Variants in ANXA8 observed in about 807,000 individuals in gnomAD.
ANXA8 encodes the protein annexin A8, also known as VAC-beta.
A neutral mutation model predicts 26.8 loss-of-function variants in ANXA8; 9 were observed. That is an observed-to-expected ratio of 0.34 (90% CI 0.20 to 0.59). ANXA8 has a LOEUF of 0.59. Ranked by LOEUF, ANXA8 falls within the 20% of genes least tolerant of loss-of-function variation. The pLI is 0.84. For missense variants in ANXA8, 83 were observed against 238.5 expected, an observed-to-expected ratio of 0.35 and a Z score of 4.29; for synonymous variants, 39 against 94.8, an observed-to-expected ratio of 0.41 and a Z score of 3.42.
chr10:47,702,476 G>C, the ANXA8 span, among the ~76,000 whole-genome samples: 2 of 151,138 alleles, frequency 1.3e-5, no homozygotes, highest in Non-Finnish European at 2.9e-5. Context: ...AAGTAGCTGG[G>C]ACTACAGGTA....
chr10:47,776,458 G>A, the ANXA8 span, among the ~76,000 whole-genome samples: 7 of 151,078 alleles, frequency 4.6e-5, no homozygotes, highest in South Asian at 1.1e-3. Context: ...CAAGGCTCCC[G>A]GGATGTTCTC....
At chr10:47,665,841 T>C in the ANXA8 span, among the ~76,000 whole-genome samples, 1 of 151,798 alleles carries the variant, frequency 6.6e-6, no homozygotes, top group Non-Finnish European at 1.5e-5. Context: ...AGGAAACGTT[T>C]CACAAGTTTT....
At chr10:47,694,630 G>A in the ANXA8 span, among the ~76,000 whole-genome samples, 54 of 151,520 alleles carry the variant, frequency 3.6e-4, no homozygotes, top group African/African-American at 1.2e-3. Context: ...CATATTGGCC[G>A]GGCTGGTCTC....
chr10:47,488,005 TG>T (rs1840077482), upstream of ANXA8, among the ~76,000 whole-genome samples: 1 of 147,160 alleles, frequency 6.8e-6, no homozygotes, highest in Non-Finnish European at 1.5e-5. Flanking sequence ...GTGGGGCCTT[TG>T]GGAGGTTGAA....
the ANXA8 span, among the ~76,000 whole-genome samples, chr10:47,547,250 T>C: frequency 2.2e-5 from 3 of 134,406 alleles, no homozygotes; most frequent in African/African-American, 8.1e-5. Context: ...TAAATTATGG[T>C]GCATCCACAG....
the ANXA8 span, among the ~76,000 whole-genome samples, chr10:47,594,907 C>A: frequency 6.7e-6 from 1 of 149,190 alleles, no homozygotes; most frequent in South Asian, 2.1e-4. Flanking sequence ...CACCAGAAAT[C>A]CAGAGAACCT....
At chr10:47,497,635 C>A in the ANXA8 span, among the ~76,000 whole-genome samples, 1 of 130,744 alleles carries the variant, frequency 7.6e-6, no homozygotes, top group East Asian at 3.1e-4. Context: ...AAAAAAACAA[C>A]AACAAAACAC....
the ANXA8 span, among the ~76,000 whole-genome samples, chr10:47,512,122 AT>A: frequency 2.1e-5 from 1 of 46,570 alleles, no homozygotes; most frequent in Admixed American, 2.6e-4. Context: ...AAATGAGAGT[AT>A]GAAATTTTAC....
chr10:47,702,911 G>C, the ANXA8 span, among the ~76,000 whole-genome samples: 1 of 149,768 alleles, frequency 6.7e-6, no homozygotes, highest in Non-Finnish European at 1.5e-5. Flanking sequence ...TGGGATTACA[G>C]GTGTGAGCCA....
the ANXA8 span, among the ~76,000 whole-genome samples, chr10:47,518,466 C>T: frequency 7.7e-6 from 1 of 130,302 alleles, no homozygotes; most frequent in Non-Finnish European, 1.6e-5. Flanking sequence ...GGCTCGAGTG[C>T]AGTGGTGGGA....
At chr10:47,513,354 G>A in the ANXA8 span, among the ~76,000 whole-genome samples, 20 of 142,220 alleles carry the variant, frequency 1.4e-4, 7 homozygotes, top group East Asian at 8.9e-4. Context: ...TTGATATGCC[G>A]TTGGGAACTA....
At chr10:47,973,084 GCACACACACACAAACACAAATGCACA>G in the ANXA8 span, 2 of 111,164 alleles carry the variant, frequency 1.8e-5, no homozygotes, top group South Asian at 6.6e-4. Context: ...ATGTGGACGT[GCACACACACACAAACACAAATGCACA>G]CACACACACA....
the ANXA8 span, among the ~76,000 whole-genome samples, chr10:47,519,147 G>A: frequency 7.3e-6 from 1 of 137,176 alleles, no homozygotes; most frequent in Non-Finnish European, 1.5e-5. Context: ...ATGGTAATAA[G>A]CAAATTCTCA....
chr10:47,631,381 T>C, the ANXA8 span, among the ~76,000 whole-genome samples: 1 of 151,736 alleles, frequency 6.6e-6, no homozygotes, highest in Admixed American at 6.6e-5. Flanking sequence ...ATTAACCAGC[T>C]TTATATGACC....
chr10:47,649,723 T>C, the ANXA8 span, among the ~76,000 whole-genome samples: 5 of 146,244 alleles, frequency 3.4e-5, no homozygotes, highest in Non-Finnish European at 6.0e-5. Context: ...ATTAAAAAAA[T>C]TTTTTTAAAG....
At chr10:47,954,620 A>T in the ANXA8 span, among the ~76,000 whole-genome samples, 5 of 151,358 alleles carry the variant, frequency 3.3e-5, no homozygotes, top group African/African-American at 1.2e-4. Flanking sequence ...CCCTGATGTG[A>T]TTATTACGCA....
chr10:47,645,358 T>G, the ANXA8 span, among the ~76,000 whole-genome samples: 1 of 148,034 alleles, frequency 6.8e-6, no homozygotes, highest in Non-Finnish European at 1.5e-5. Flanking sequence ...AGTAACGTAT[T>G]TGTCGTCTCA....
the ANXA8 span, among the ~76,000 whole-genome samples, chr10:47,900,819 C>T: frequency 6.7e-6 from 1 of 148,648 alleles, no homozygotes; most frequent in Non-Finnish European, 1.5e-5. Flanking sequence ...AGAATATGTC[C>T]AAGATTGTGA....
chr10:47,766,911 T>TCATGGCCAAGCGGAAGTTGTATTTC, the ANXA8 span, among the ~76,000 whole-genome samples: 7 of 151,862 alleles, frequency 4.6e-5, no homozygotes, highest in Admixed American at 4.6e-4. Context: ...GTTCTGTCTT[T>TCATGGCCAAGCGGAAGTTGTATTTC]CATGGCCAAG....
Sources: gnomAD v4.1 joint callset for allele counts (sites outside exome capture counted in the v4.1 genomes callset) on GRCh38, gnomAD v4.1.1 for gene constraint, MANE v1.5 for transcripts, NCBI Gene and HGNC (gene_info 2026-07-23, HGNC 2026-07-21) for gene names.